The following GSE1 variants were observed in gnomAD, a reference collection of about 807,000 sequenced individuals.
The protein encoded by GSE1 is Gse1 coiled-coil protein.
Under a neutral mutation model 112.6 loss-of-function variants are expected in GSE1, and 32 were observed. The ratio of observed to expected loss-of-function variants is 0.28; its 90% CI spans 0.21 to 0.38. The LOEUF (loss-of-function observed/expected upper bound fraction) is 0.38. Among genes scored for constraint, GSE1 ranks in the 10% least tolerant of loss-of-function variants. The probability of loss-of-function intolerance (pLI) is 1.00; values close to 1 mark genes in which losing one functional copy is unlikely to be tolerated. For synonymous variants in GSE1, 1,115 were observed against 735.6 expected (o/e 1.52, Z -8.35); for missense variants, 2,348 against 1,699.2 (o/e 1.38, Z -6.71).
At chr16:85,497,641 A>G (rs2051224780) in intron 2 of GSE1, among the ~76,000 whole-genome samples, 1 of 152,208 alleles carries the variant, frequency 6.6e-6, no homozygotes, top group Admixed American at 6.5e-5. Context: ...GTGTGGCGTG[A>G]ACTTACACCT....
At chr16:85,174,506 C>G (rs551256730) in intron 1 of GSE1, among the ~76,000 whole-genome samples, 26 of 152,352 alleles carry the variant, frequency 1.7e-4, no homozygotes, top group African/African-American at 6.3e-4. Context: ...GGAAATGCAG[C>G]CTTCTGGTCT....
chr16:85,615,008 C>A (rs571344045), intron 1 of GSE1, among the ~76,000 whole-genome samples: 1 of 152,216 alleles, frequency 6.6e-6, no homozygotes, highest in African/African-American at 2.4e-5. Context: ...TCGGCCGTCT[C>A]GTCCTCTCCT....
chr16:85,637,179 G>A (rs1045055263), intron 2 of GSE1, among the ~76,000 whole-genome samples: 3 of 152,118 alleles, frequency 2.0e-5, no homozygotes, highest in Admixed American at 2.0e-4. Context: ...CAGCTCCCAC[G>A]CCCTCCCCCA....
At chr16:85,440,343 G>A (rs556966817) in intron 2 of GSE1, among the ~76,000 whole-genome samples, 2 of 152,350 alleles carry the variant, frequency 1.3e-5, no homozygotes, top group African/African-American at 4.8e-5. Flanking sequence ...TGAGGCCTCA[G>A]GATTCCTTGT....
chr16:85,173,055 G>T (rs547890025), intron 1 of GSE1, among the ~76,000 whole-genome samples: 6 of 152,178 alleles, frequency 3.9e-5, no homozygotes, highest in Admixed American at 6.5e-5. Flanking sequence ...GTCGTCTCCC[G>T]TCACAGATGC....
chr16:85,272,092 T>G (rs79889219), intron 1 of GSE1, among the ~76,000 whole-genome samples: 4,025 of 152,304 alleles, frequency 0.026, 130 homozygotes, highest in African/African-American at 0.084. Flanking sequence ...ACCCGTATCC[T>G]GCGTTCCCAT....
At chr16:85,200,203 C>T (rs927993757) in intron 1 of GSE1, among the ~76,000 whole-genome samples, 3 of 152,068 alleles carry the variant, frequency 2.0e-5, no homozygotes, top group Admixed American at 6.6e-5. Flanking sequence ...CAGGTTTGTC[C>T]TTGGGGCCCA....
At chr16:85,632,556 C>T (rs960442886) in intron 1 of GSE1, among the ~76,000 whole-genome samples, 2 of 152,190 alleles carry the variant, frequency 1.3e-5, no homozygotes, top group East Asian at 1.9e-4. Context: ...ACGCTGCCTC[C>T]GAGCCTGCTG....
intron 1 of GSE1, among the ~76,000 whole-genome samples, chr16:85,258,534 C>T (rs2144085177): frequency 6.6e-6 from 1 of 152,344 alleles, no homozygotes; most frequent in East Asian, 1.9e-4. Flanking sequence ...CTGCTCCTGC[C>T]ACCCCTTCCC....
chr16:85,223,336 A>G (rs1412640619), intron 1 of GSE1, among the ~76,000 whole-genome samples: 1 of 152,126 alleles, frequency 6.6e-6, no homozygotes, highest in Non-Finnish European at 1.5e-5. Context: ...CAGCCTGGCC[A>G]ACATGGTGAA....
intron 1 of GSE1, among the ~76,000 whole-genome samples, chr16:85,246,484 CA>C (rs1905822533): frequency 2.3e-5 from 3 of 129,368 alleles, no homozygotes; most frequent in Non-Finnish European, 5.1e-5. Flanking sequence ...CACACACACA[CA>C]CACACACTCT....
rs1432611078 is a variant in GSE1 at position 85,648,658 on chromosome 16, C to T, written c.333C>T (p.Pro111=). ...KRVPMGPIIV[P]PGGHSVPSTP... ...TGCCCATGGGCCCTATCATCGTCCC[C>T]CCTGGGGGCCACAGCGTGCCCAGCA... The change falls in exon 3 of 16, where the codon CCC becomes CCT. Residue 111 remains proline, a synonymous_variant. Coordinates refer to ENST00000253458, the MANE Select transcript of GSE1 (RefSeq NM_014615.5). 6.2e-7 allele frequency: 1 copy of T among 1,602,520 alleles called. No individual in the cohort carries two copies.
chr16:85,199,325 A>G (rs539490543), intron 1 of GSE1, among the ~76,000 whole-genome samples: 206 of 152,150 alleles, frequency 1.4e-3, no homozygotes, highest in African/African-American at 4.5e-3. Flanking sequence ...GACTCAAGCA[A>G]TCCTCCCGCC....
At chr16:85,645,314 G>A (rs2050763357) in intron 2 of GSE1, among the ~76,000 whole-genome samples, 1 of 152,084 alleles carries the variant, frequency 6.6e-6, no homozygotes, top group African/African-American at 2.4e-5. Context: ...GGCAGTTCGG[G>A]GGTTGCTGGG....
intron 2 of GSE1, 96 bp downstream of exon 2, chr16:85,634,228 T>A: frequency 1.2e-6 from 1 of 855,838 alleles, no homozygotes; most frequent in Non-Finnish European, 1.7e-6. Context: ...ACAGCAGGTC[T>A]CGTCTTTCCC....
rs565057772 is a variant in GSE1 at position 85,293,025 on chromosome 16, G to C, written c.2284-64438G>C. Reference sequence around the variant, plus strand: ...TTGAAGAGTTTTGACAAGCGTGTACGGTTGTGTGGCCATCACCACCGCCAC... The same window carrying C: ...TTGAAGAGTTTTGACAAGCGTGTACCGTTGTGTGGCCATCACCACCGCCAC... On this transcript the variant is annotated intron_variant, in intron 1 of 2. Transcript: ENST00000637419. Among the ~76,000 whole-genome samples, 14 of 152,226 alleles carry C rather than the reference G, an allele frequency of 9.2e-5. No homozygotes were observed. In the South Asian group the frequency reaches 2.5e-3, roughly 27 times the overall value.
exon 1 of GSE1, chr16:85,171,369 C>T: frequency 1.0e-6 from 1 of 985,680 alleles, no homozygotes; most frequent in Non-Finnish European, 1.2e-6. Context: ...CCGCCAGCCG[C>T]TTGGGCGAGA....
intron 2 of GSE1, among the ~76,000 whole-genome samples, chr16:85,465,798 C>T (rs2050106453): frequency 6.6e-6 from 1 of 152,232 alleles, no homozygotes; most frequent in African/African-American, 2.4e-5. Flanking sequence ...ACTCTGATCT[C>T]AGAATCTTCC....
Position 85,585,697 on chromosome 16 carries a change from C to T in GSE1, c.37+29334C>T, listed in dbSNP as rs571242469. ...TTCCTGCATGGCCATGGGCAAGTGC[C>T]GTCCCTTCTCTGGGCCTCACTTTCC... On this transcript the variant is annotated intron_variant, in intron 1 of 2. Coordinates refer to the GSE1 transcript ENST00000635906. Among the ~76,000 whole-genome samples, 13 of 152,340 alleles carry T rather than the reference C, an allele frequency of 8.5e-5. No homozygotes were observed. The East Asian group carries it at 1.9e-3, about 23-fold the overall frequency.
Sources: gnomAD v4.1 joint callset for allele counts (sites outside exome capture counted in the v4.1 genomes callset) on GRCh38, gnomAD v4.1.1 for gene constraint, MANE v1.5 for transcripts, NCBI Gene and HGNC (gene_info 2026-07-23, HGNC 2026-07-21) for gene names.